AOAH: variants seen among roughly 807,000 people sequenced by gnomAD.
The protein encoded by AOAH is acyloxyacyl hydrolase (neutrophil).
Under a neutral mutation model 92.2 loss-of-function variants are expected in AOAH, and 64 were observed. The ratio of observed to expected loss-of-function variants is 0.69; its 90% CI spans 0.57 to 0.86. The LOEUF is 0.86. Among genes scored for constraint, AOAH ranks in the 40% least tolerant of loss-of-function variants. The pLI is 0.00. For synonymous variants in AOAH, 263 were observed against 254.5 expected (o/e 1.03, Z -0.32); for missense variants, 656 against 694.6 (o/e 0.94, Z 0.62).
At chr7:36,553,076 G>A (rs1050743236) in intron 13 of AOAH, among the ~76,000 whole-genome samples, 5 of 149,278 alleles carry the variant, frequency 3.3e-5, no homozygotes, top group African/African-American at 9.9e-5. Context: ...CCACTAACTC[G>A]TTATCTAGCA....
chr7:36,679,772 G>A (rs928155409), intron 2 of AOAH, among the ~76,000 whole-genome samples: 5 of 151,912 alleles, frequency 3.3e-5, no homozygotes, highest in African/African-American at 7.3e-5. Flanking sequence ...ATTCTTCTGC[G>A]TCAGCCTCCT....
At chr7:36,698,797 A>T (rs1797866820) in intron 1 of AOAH, among the ~76,000 whole-genome samples, 1 of 152,154 alleles carries the variant, frequency 6.6e-6, no homozygotes, top group Non-Finnish European at 1.5e-5. Context: ...TTTGTCATTT[A>T]TTTGTGCTAG....
chr7:36,700,203 G>A (rs1797948945), intron 1 of AOAH, among the ~76,000 whole-genome samples: 1 of 151,846 alleles, frequency 6.6e-6, no homozygotes, highest in Admixed American at 6.6e-5. Flanking sequence ...ATACATATAA[G>A]GGGTATAAGT....
At chr7:36,558,181 G>C (rs1280095215) in intron 13 of AOAH, among the ~76,000 whole-genome samples, 1 of 152,138 alleles carries the variant, frequency 6.6e-6, no homozygotes, top group African/African-American at 2.4e-5. Flanking sequence ...TGTCCTTTCT[G>C]TTTGTTAGTT....
intron 6 of AOAH, among the ~76,000 whole-genome samples, chr7:36,625,755 A>G (rs982258879): frequency 2.6e-5 from 4 of 152,144 alleles, no homozygotes; most frequent in Non-Finnish European, 5.9e-5. Context: ...TGATTTTCCC[A>G]TGGTGGGAGC....
intron 5 of AOAH, among the ~76,000 whole-genome samples, chr7:36,632,631 C>T (rs1208668267): frequency 6.6e-6 from 1 of 152,190 alleles, no homozygotes; most frequent in Admixed American, 6.5e-5. Flanking sequence ...GTGGGCTACA[C>T]TAAAAGCCCT....
At chr7:36,554,619 T>C (rs946004309) in intron 13 of AOAH, among the ~76,000 whole-genome samples, 11 of 152,218 alleles carry the variant, frequency 7.2e-5, no homozygotes, top group Middle Eastern at 3.2e-3. Flanking sequence ...CCCATGAGCA[T>C]GGAATGTTCT....
chr7:36,623,989 C>A (rs1220645297), intron 6 of AOAH, among the ~76,000 whole-genome samples: 1 of 152,190 alleles, frequency 6.6e-6, no homozygotes, highest in Non-Finnish European at 1.5e-5. Flanking sequence ...CAGGAAATAT[C>A]CTCTCCATAG....
intron 13 of AOAH, among the ~76,000 whole-genome samples, chr7:36,572,156 T>TA (rs1181085081): frequency 2.0e-5 from 3 of 151,998 alleles, no homozygotes; most frequent in Non-Finnish European, 4.4e-5. Flanking sequence ...AAAAAATAAA[T>TA]AAAAAATGAA....
chr7:36,590,197 A>G (rs1173484216), intron 12 of AOAH, among the ~76,000 whole-genome samples: 1 of 152,138 alleles, frequency 6.6e-6, no homozygotes, highest in South Asian at 2.1e-4. Context: ...GCCTCCAGTA[A>G]TCTTTTCACC....
At chr7:36,532,592 T>A (rs1358401003) in intron 16 of AOAH, among the ~76,000 whole-genome samples, 1 of 152,198 alleles carries the variant, frequency 6.6e-6, no homozygotes, top group Non-Finnish European at 1.5e-5. Context: ...GGCATGGGCC[T>A]GGATGGGGCT....
intron 12 of AOAH, among the ~76,000 whole-genome samples, chr7:36,591,395 A>G (rs1180051808): frequency 6.6e-6 from 1 of 152,212 alleles, no homozygotes; most frequent in Non-Finnish European, 1.5e-5. Context: ...ACCGAATATA[A>G]AAAGGTACTA....
chr7:36,610,874 G>A (rs1791404912), intron 11 of AOAH, among the ~76,000 whole-genome samples: 1 of 152,122 alleles, frequency 6.6e-6, no homozygotes, highest in African/African-American at 2.4e-5. Flanking sequence ...CAAGAAAAAT[G>A]AGAGACACAT....
intron 18 of AOAH, among the ~76,000 whole-genome samples, chr7:36,531,497 C>T (rs1784688000): frequency 6.6e-6 from 1 of 152,026 alleles, no homozygotes; most frequent in Admixed American, 6.6e-5. Context: ...CAGGTGCCCA[C>T]CATGACACCT....
intron 4 of AOAH, among the ~76,000 whole-genome samples, chr7:36,658,769 A>G (rs963407209): frequency 4.6e-5 from 7 of 152,230 alleles, no homozygotes; most frequent in African/African-American, 1.7e-4. Context: ...CCAACTGCCC[A>G]GGATTTCCCA....
At chr7:36,681,545 G>A (rs983873887) in intron 2 of AOAH, among the ~76,000 whole-genome samples, 3 of 152,186 alleles carry the variant, frequency 2.0e-5, no homozygotes, top group African/African-American at 7.2e-5. Context: ...AGAAAAAGGA[G>A]TGTAATCCCA....
chr7:36,674,708 C>T (rs1327423649), intron 2 of AOAH, among the ~76,000 whole-genome samples: 2 of 152,126 alleles, frequency 1.3e-5, no homozygotes, highest in Non-Finnish European at 2.9e-5. Context: ...AGGATCTTAG[C>T]AGAGTTAGGG....
At chr7:36,534,696 T>C (rs1784902829) in intron 16 of AOAH, among the ~76,000 whole-genome samples, 2 of 152,228 alleles carry the variant, frequency 1.3e-5, no homozygotes, top group Non-Finnish European at 2.9e-5. Context: ...CCTACTTCTA[T>C]GGGGTGCATG....
rs1375400114 is a variant in AOAH, at chr7:36,594,442, A to G, written c.847-12T>C. On this transcript the variant is annotated splice_polypyrimidine_tract_variant and intron_variant, in intron 11 of 20. Transcript: ENST00000617537. ...TTGATGAAAGAGTTCTAAGGAAAAC[A>G]ATAAAGTAGCAATTATCAAAATGGT... is the stretch of plus-strand genomic sequence containing the variant. 3.7e-6 allele frequency: 6 copies of G among 1,602,248 alleles called. No homozygotes were observed. The highest frequency in any genetic ancestry group is 4.3e-6 in the Non-Finnish European group (5 of 1,169,218).
Sources: gnomAD v4.1 joint callset for allele counts (sites outside exome capture counted in the v4.1 genomes callset) on GRCh38, gnomAD v4.1.1 for gene constraint, MANE v1.5 for transcripts, NCBI Gene and HGNC (gene_info 2026-07-23, HGNC 2026-07-21) for gene names.